Variants in COL25A1 observed in about 807,000 individuals in gnomAD.
The protein encoded by COL25A1 is collagen alpha-1(XXV) chain.
Under a neutral mutation model 128.4 loss-of-function variants are expected in COL25A1, and 103 were observed. The observed-to-expected ratio is 0.80, with a 90% CI of 0.68 to 0.94. The LOEUF is 0.94. COL25A1 is among the 40% of genes least tolerant of loss of function. The pLI is 0.00. For missense variants in COL25A1, 745 were observed against 840.0 expected (o/e 0.89, Z 1.40); for synonymous variants, 279 against 277.2 (o/e 1.01, Z -0.06).
chr4:108,997,615 C>T (rs1418517342), intron 6 of COL25A1, among the ~76,000 whole-genome samples: 1 of 152,230 alleles, frequency 6.6e-6, no homozygotes, highest in Non-Finnish European at 1.5e-5. Flanking sequence ...TCCTCCCTAA[C>T]TCATTTTATG....
At chr4:108,834,547 G>GT (rs1255692519) in intron 31 of COL25A1, among the ~76,000 whole-genome samples, 1 of 150,876 alleles carries the variant, frequency 6.6e-6, no homozygotes, top group Non-Finnish European at 1.5e-5. Flanking sequence ...CAAATTGTTA[G>GT]TTAAAAAAAA....
chr4:109,186,281 C>T (rs1775123925), intron 3 of COL25A1, among the ~76,000 whole-genome samples: 1 of 152,224 alleles, frequency 6.6e-6, no homozygotes, highest in Admixed American at 6.5e-5. Flanking sequence ...ATCCTATCTG[C>T]ATGAAAACAA....
chr4:108,889,316 A>T, intron 17 of COL25A1, 60 bp from the exon 18 acceptor site: 1 of 1,547,658 alleles, frequency 6.5e-7, no homozygotes, highest in Non-Finnish European at 8.9e-7. Flanking sequence ...TAAAACACTT[A>T]GACCTCTGGG....
At chr4:109,035,966 C>T (rs572870395) in intron 5 of COL25A1, among the ~76,000 whole-genome samples, 2 of 152,054 alleles carry the variant, frequency 1.3e-5, no homozygotes, top group African/African-American at 4.8e-5. Context: ...CTCACTCTGT[C>T]GCTCAGGCTG....
Position 109,301,748 on chromosome 4 carries a change from T to C in COL25A1, c.272A>G (p.Glu91Gly), listed in dbSNP as rs1339668225. Residue 91 changes from glutamate to glycine, a missense_variant, in exon 2 of 38, where the codon GAG becomes GGG. Coordinates refer to ENST00000399132, the MANE Select transcript of COL25A1 (RefSeq NM_198721.4). ...CTGAGCCAGAAGTCGCTCCACTTTC[T>C]CTTGCACCATAGTCTTGAGGTGATC... The part of the protein sequence containing the change: ...TLDHLKTMVQ[E>G]KVERLLAQKS... 4 of 1,614,118 alleles carry C rather than the reference T, an allele frequency of 2.5e-6. No homozygotes were observed. In the South Asian group the frequency reaches 3.3e-5, roughly 13 times the overall value.
At chr4:109,081,676 T>C (rs989394582) in intron 3 of COL25A1, among the ~76,000 whole-genome samples, 4 of 152,072 alleles carry the variant, frequency 2.6e-5, no homozygotes, top group African/African-American at 9.7e-5. Context: ...AACCCAGCCA[T>C]GGGCAATCAC....
intron 6 of COL25A1, among the ~76,000 whole-genome samples, chr4:109,005,362 C>T (rs911162348): frequency 3.3e-5 from 5 of 152,142 alleles, no homozygotes; most frequent in Non-Finnish European, 7.3e-5. Context: ...TCAGGCCACA[C>T]CTCCAACATT....
chr4:108,971,634 G>A (rs192603573), intron 8 of COL25A1, among the ~76,000 whole-genome samples: 2 of 152,316 alleles, frequency 1.3e-5, no homozygotes, highest in East Asian at 1.9e-4. Flanking sequence ...CAAGACTAGT[G>A]TGAGATGAAC....
chr4:108,931,001 C>T (rs187364631), intron 11 of COL25A1, among the ~76,000 whole-genome samples: 1 of 151,990 alleles, frequency 6.6e-6, no homozygotes, highest in African/African-American at 2.4e-5. Flanking sequence ...TCAATTATAA[C>T]TTGGTTAATA....
Position 109,100,289 on chromosome 4 carries a change from C to T in COL25A1, c.368-50110G>A, listed in dbSNP as rs147680256. Among the ~76,000 whole-genome samples, 312 of 151,890 alleles carry T rather than the reference C, an allele frequency of 2.1e-3. 3 individuals are homozygous for T. The highest frequency in any genetic ancestry group is 7.2e-3 in the African/African-American group (300 of 41,442). The stretch of plus-strand genomic sequence containing the variant: ...AGTAAATTATCAAAGGATGGTAGCC[C>T]TCATTAAAAATCATAAAAGTGGAAT... On this transcript the variant is annotated intron_variant, in intron 3 of 37. Transcript: ENST00000399132.
chr4:108,879,395 C>T (rs1208151291), intron 19 of COL25A1, among the ~76,000 whole-genome samples: 6 of 151,426 alleles, frequency 4.0e-5, no homozygotes, highest in Non-Finnish European at 8.8e-5. Flanking sequence ...TTTTTTTTTC[C>T]CCCAATTTGC....
At chr4:108,990,502 C>G (rs1754130601) in intron 6 of COL25A1, among the ~76,000 whole-genome samples, 1 of 151,768 alleles carries the variant, frequency 6.6e-6, no homozygotes, top group Admixed American at 6.6e-5. Flanking sequence ...ATAACCATAT[C>G]TAACAGTGAT....
chr4:109,258,242 C>G (rs1781203714), intron 3 of COL25A1, among the ~76,000 whole-genome samples: 1 of 152,224 alleles, frequency 6.6e-6, no homozygotes, highest in Non-Finnish European at 1.5e-5. Context: ...TATTACACTT[C>G]TGTGCAGAAA....
At chr4:108,902,028 C>T (rs1178755227) in intron 13 of COL25A1, among the ~76,000 whole-genome samples, 1 of 152,046 alleles carries the variant, frequency 6.6e-6, no homozygotes, top group Non-Finnish European at 1.5e-5. Flanking sequence ...GCCCCAATTA[C>T]TGGACAACTT....
At chr4:109,083,448 ATTTTTTTTTTTTTTTTT>A (rs60165291) in intron 3 of COL25A1, among the ~76,000 whole-genome samples, 3 of 77,056 alleles carry the variant, frequency 3.9e-5, no homozygotes, top group South Asian at 5.3e-4. Context: ...CACTAAATAA[ATTTTTTTTTTTTTTTTT>A]TTTTTTTTTT....
intron 5 of COL25A1, among the ~76,000 whole-genome samples, chr4:109,043,139 G>A (rs1162322396): frequency 1.3e-5 from 2 of 151,988 alleles, no homozygotes; most frequent in African/African-American, 4.8e-5. Context: ...AATAGGTATA[G>A]TAACTCTCTA....
intron 35 of COL25A1, among the ~76,000 whole-genome samples, chr4:108,822,464 T>G (rs1304696927): frequency 6.6e-6 from 1 of 152,216 alleles, no homozygotes; most frequent in Non-Finnish European, 1.5e-5. Context: ...TCACCCAGGC[T>G]AAAGTACAGT....
At chr4:109,218,357 GTTTT>G (rs34056401) in intron 3 of COL25A1, among the ~76,000 whole-genome samples, 9 of 73,564 alleles carry the variant, frequency 1.2e-4, no homozygotes, top group East Asian at 5.1e-4. Context: ...GTTTTTTGGG[GTTTT>G]TTTTTTTTTT....
chr4:109,023,339 A>G (rs901265526), intron 5 of COL25A1, among the ~76,000 whole-genome samples: 5 of 152,220 alleles, frequency 3.3e-5, no homozygotes, highest in African/African-American at 1.2e-4. Flanking sequence ...TCACCACAAC[A>G]AGGGAAGAAG....
Sources: gnomAD v4.1 joint callset for allele counts (sites outside exome capture counted in the v4.1 genomes callset) on GRCh38, gnomAD v4.1.1 for gene constraint, MANE v1.5 for transcripts, NCBI Gene and HGNC (gene_info 2026-07-23, HGNC 2026-07-21) for gene names.